Variants in DHX36 observed in about 807,000 individuals in gnomAD.
The protein encoded by DHX36 is DEAH-box helicase 36.
In DHX36, 50 loss-of-function variants were observed where a neutral mutation model predicts 139.0. That is an observed-to-expected ratio of 0.36 (90% CI 0.29 to 0.46). The LOEUF (loss-of-function observed/expected upper bound fraction) is 0.46, where lower values mean the gene tolerates loss of function less well. Ranked by LOEUF, DHX36 falls within the 20% of genes least tolerant of loss-of-function variation. The pLI is 1.00. For synonymous variants in DHX36, 425 were observed against 401.9 expected, an observed-to-expected ratio of 1.06 and a Z score of -0.69; for missense variants, 1,024 against 1,211.3, an observed-to-expected ratio of 0.85 and a Z score of 2.29.
At chr3:154,310,701 C>T (rs1712697951) in intron 4 of DHX36, among the ~76,000 whole-genome samples, 1 of 140,714 alleles carries the variant, frequency 7.1e-6, no homozygotes, top group Non-Finnish European at 1.5e-5. Context: ...TCGCTTGAAC[C>T]CGAGAGTCGG....
intron 17 of DHX36, among the ~76,000 whole-genome samples, chr3:154,285,786 G>A (rs9874228): frequency 0.026 from 3,938 of 151,488 alleles, 82 homozygotes; most frequent in Non-Finnish European, 0.039. Context: ...TTACTAAACA[G>A]TTTTGGAGAA....
At chr3:154,315,773 A>C (rs533217707) in intron 2 of DHX36, among the ~76,000 whole-genome samples, 4 of 152,114 alleles carry the variant, frequency 2.6e-5, no homozygotes, top group Non-Finnish European at 5.9e-5. Context: ...TAATTTCATA[A>C]ATACAAAGAG....
chr3:154,288,974 G>A lies in DHX36; in HGVS notation c.1933-10C>T. On this transcript the variant is annotated splice_polypyrimidine_tract_variant and intron_variant, in intron 16 of 24. Coordinates refer to ENST00000496811, the MANE Select transcript of DHX36 (RefSeq NM_020865.3). ...CACCTAGCCTTAAAATCTAAGTGGG[G>A]GAGACAAATATTATTAAATACATAT... is the stretch of plus-strand genomic sequence containing the variant. The A allele has an allele frequency of 2.1e-6, 3 of 1,399,134 alleles. No homozygotes were observed. The highest frequency in any genetic ancestry group is 1.4e-5 in the South Asian group (1 of 69,412). The allele number at this position is 1,399,134 out of a possible 1,614,324, so 86.7% of individuals were successfully genotyped here. A position where few individuals can be genotyped will look rare whatever the true frequency, so the allele number is the denominator to read the frequency against.
rs1719050018 is a variant in DHX36, at chr3:154,273,309, A to C, written c.*2862T>G. The C allele has an allele frequency of 6.6e-6, 1 of 152,194 alleles. No individual in the cohort carries two copies. The highest frequency in any genetic ancestry group is 2.4e-5 in the African/African-American group (1 of 41,444). 9.4% of individuals were successfully genotyped at this position (152,194 alleles called of 1,614,324 possible). The stretch of plus-strand genomic sequence containing the variant: ...CAGCTGTGCAGAAGACATAAATTGG[A>C]GGTAACAATAACTGCTTTAATCTCT... On this transcript the variant is annotated 3_prime_UTR_variant, in exon 25 of 25. Transcript: ENST00000496811.
chr3:154,293,468 G>C (rs987275080), intron 14 of DHX36, among the ~76,000 whole-genome samples: 4 of 152,112 alleles, frequency 2.6e-5, no homozygotes, highest in African/African-American at 7.2e-5. Flanking sequence ...TGTAGTACAA[G>C]CTACTTGGGA....
At chr3:154,309,169 C>CATTTT (rs1712635992) in intron 5 of DHX36, among the ~76,000 whole-genome samples, 1 of 151,220 alleles carries the variant, frequency 6.6e-6, no homozygotes, top group Non-Finnish European at 1.5e-5. Flanking sequence ...GCTTAAGTGA[C>CATTTT]AAAATAAGAC....
At chr3:154,307,128 A>C (rs1712535213) in intron 5 of DHX36, among the ~76,000 whole-genome samples, 1 of 152,164 alleles carries the variant, frequency 6.6e-6, no homozygotes, top group African/African-American at 2.4e-5. Context: ...CCTGGAATAT[A>C]GTCCCCATAA....
rs1352562724 is a variant in DHX36, at chr3:154,280,917, T to C, written c.2377-55A>G. On this transcript the variant is annotated intron_variant, in intron 20 of 24. Transcript: ENST00000496811. Reference sequence around the variant, plus strand: ...GAATACCTTTCACACATTGAGGCTATAAACCATACACTAATAGATAAATTG... The same window carrying C: ...GAATACCTTTCACACATTGAGGCTACAAACCATACACTAATAGATAAATTG... The C allele has an allele frequency of 5.4e-6, 7 of 1,287,480 alleles. No homozygotes were observed. In the East Asian group the frequency reaches 9.2e-5, roughly 17 times the overall value. 79.8% of individuals were successfully genotyped at this position (1,287,480 alleles called of 1,614,324 possible).
rs1223544645 is a variant in DHX36, at chr3:154,324,235, T to C, written c.182A>G (p.Glu61Gly). ...GRHPGHLKGR[E>G]IGMWYAKKQG... ...TTTTTTCGCGTACCACATGCCGATTTCGCGGCCTTTCAGGTGCCCGGGATG... is the reference window on the plus strand; with the variant it reads ...TTTTTTCGCGTACCACATGCCGATTCCGCGGCCTTTCAGGTGCCCGGGATG... The change falls in exon 1 of 25, where the codon GAA (glutamate) becomes GGA (glycine). Residue 61 changes from glutamate to glycine, a missense_variant. Physicochemically the swap from Glu to Gly is moderately conservative, Grantham distance 98. Around this residue, in one of 4 missense-constraint regions of DHX36, gnomAD observed 293 missense variants for 274.4 expected, o/e 1.07. Transcript: ENST00000496811. 2.5e-6 allele frequency: 4 copies of C among 1,613,602 alleles called. No individual in the cohort carries two copies. Among genetic ancestry groups the C allele is most frequent in the Middle Eastern group, 1.6e-4 (1 of 6,062 alleles).
At chr3:154,292,758 C>A (rs1711876592) in intron 14 of DHX36, 64 bp from the exon 15 acceptor site, 14 of 1,253,814 alleles carry the variant, frequency 1.1e-5, no homozygotes, top group Non-Finnish European at 1.5e-5. Context: ...CACACACACA[C>A]ACATCGAAAG....
At chr3:154,300,064 CT>C (rs573027975) in intron 11 of DHX36, 139 bp from the exon 12 acceptor site, 18,600 of 464,818 alleles carry the variant, frequency 0.04, 1 homozygote, top group East Asian at 0.052. Flanking sequence ...AGTATATAAG[CT>C]TTTTTTTTTT....
intron 11 of DHX36, 84 bp downstream of exon 11, chr3:154,300,510 T>A: frequency 9.4e-7 from 1 of 1,058,380 alleles, no homozygotes; most frequent in South Asian, 1.4e-5. Context: ...TTCATAAGCA[T>A]TTAAGAAAAC....
In DHX36 at chr3:154,275,818, G is replaced by A. The variant is rs1719129056; in HGVS notation, c.*353C>T. 1 of 156,754 alleles carries A rather than the reference G, an allele frequency of 6.4e-6. No individual in the cohort carries two copies. Among genetic ancestry groups the A allele is most frequent in the Admixed American group, 6.5e-5 (1 of 15,386 alleles). The allele number at this position is 156,754 out of a possible 1,614,324, so 9.7% of individuals were successfully genotyped here. A position where few individuals can be genotyped will look rare whatever the true frequency, so the allele number is the denominator to read the frequency against. On this transcript the variant is annotated 3_prime_UTR_variant, in exon 25 of 25. Coordinates refer to ENST00000496811, the MANE Select transcript of DHX36 (RefSeq NM_020865.3). ...GGGTAAACATCCTATTTTTACTGGT[G>A]GTATCATCAATCATTATGAGCAGAA...
intron 1 of DHX36, among the ~76,000 whole-genome samples, chr3:154,319,463 G>C (rs2108369148): frequency 6.6e-6 from 1 of 152,138 alleles, no homozygotes; most frequent in South Asian, 2.1e-4. Context: ...CCTAAGAAAA[G>C]GTCCTCAGTT....
chr3:154,281,577 A>G (rs908403491), intron 20 of DHX36, among the ~76,000 whole-genome samples: 6 of 152,146 alleles, frequency 3.9e-5, no homozygotes, highest in Non-Finnish European at 7.4e-5. Context: ...AATTTAAAGA[A>G]AAGTTAAATA....
intron 12 of DHX36, among the ~76,000 whole-genome samples, chr3:154,297,146 G>C (rs998090358): frequency 6.6e-6 from 1 of 152,154 alleles, no homozygotes; most frequent in Admixed American, 6.5e-5. Context: ...ATGTTCTAGA[G>C]CTAGATCAAA....
At chr3:154,291,014 A>G (rs1711781293) in intron 15 of DHX36, among the ~76,000 whole-genome samples, 1 of 149,584 alleles carries the variant, frequency 6.7e-6, no homozygotes, top group African/African-American at 2.4e-5. Flanking sequence ...GGGCGCCTGT[A>G]GTCCCAGCTA....
At chr3:154,277,829 C>G in intron 22 of DHX36, 111 bp from the exon 23 acceptor site, 1 of 1,026,562 alleles carries the variant, frequency 9.7e-7, no homozygotes, top group Non-Finnish European at 1.3e-6. Flanking sequence ...CCAAACAAAT[C>G]CCGGAATCTA....
chr3:154,320,689 G>A (rs1463084470), intron 1 of DHX36, among the ~76,000 whole-genome samples: 3 of 152,160 alleles, frequency 2.0e-5, no homozygotes, highest in Non-Finnish European at 4.4e-5. Flanking sequence ...CATTAACACT[G>A]TACTCGTCCC....
Sources: gnomAD v4.1 joint callset for allele counts (sites outside exome capture counted in the v4.1 genomes callset) on GRCh38, gnomAD v4.1.1 for gene constraint, gnomAD v4.1.1 regional missense constraint, MANE v1.5 for transcripts, NCBI Gene and HGNC (gene_info 2026-07-23, HGNC 2026-07-21) for gene names.